Variants in RTF2 observed in about 807,000 individuals in gnomAD.
RTF2 encodes the protein replication termination factor 2.
In RTF2, 18 loss-of-function variants were observed where a neutral mutation model predicts 38.0. The observed-to-expected ratio is 0.47, with a 90% CI of 0.33 to 0.70. RTF2 has a LOEUF of 0.70. Among genes scored for constraint, RTF2 ranks in the 30% least tolerant of loss-of-function variants. The pLI, the probability that RTF2 is intolerant of heterozygous loss-of-function variation, is 0.02. For missense variants in RTF2, 311 were observed against 379.6 expected (o/e 0.82, Z 1.50); for synonymous variants, 126 against 137.1 (o/e 0.92, Z 0.57).
At chr20:56,471,230 G>A (rs1019434963) in intron 1 of RTF2, among the ~76,000 whole-genome samples, 10 of 152,178 alleles carry the variant, frequency 6.6e-5, no homozygotes, top group African/African-American at 2.2e-4. Context: ...CATTTTGTCC[G>A]AAGTGTTCTG....
intron 1 of RTF2, among the ~76,000 whole-genome samples, chr20:56,472,627 A>T (rs114765647): frequency 0.013 from 1,984 of 152,218 alleles, 42 homozygotes; most frequent in African/African-American, 0.044. Context: ...ATTCTGCCGC[A>T]ACTTAGCAGG....
chr20:56,488,697 A>G (rs1568697646), intron 5 of RTF2, among the ~76,000 whole-genome samples: 1 of 152,240 alleles, frequency 6.6e-6, no homozygotes, highest in African/African-American at 2.4e-5. Flanking sequence ...AAGGAATCAG[A>G]TAAGACACAG....
intron 5 of RTF2, among the ~76,000 whole-genome samples, chr20:56,506,705 A>AT (rs543477984): frequency 4.3e-4 from 64 of 148,812 alleles, no homozygotes; most frequent in East Asian, 1.8e-3. Flanking sequence ...ATGTATTATA[A>AT]TTTTTTTTTT....
intron 4 of RTF2, 60 bp from the exon 5 acceptor site, chr20:56,484,051 A>G (rs1982656089): frequency 5.6e-6 from 8 of 1,431,902 alleles, no homozygotes; most frequent in African/African-American, 1.4e-5. Context: ...TATCAACCGA[A>G]TAAATGTGAA....
At chr20:56,496,755 G>A (rs1157288661) in intron 5 of RTF2, 1 of 1,551,974 alleles carries the variant, frequency 6.4e-7, no homozygotes, top group Admixed American at 2.0e-5. Context: ...AAACTTCCTT[G>A]TAAGTACATA....
At chr20:56,510,627 CA>C (rs1420615864) in intron 5 of RTF2, among the ~76,000 whole-genome samples, 105 of 152,164 alleles carry the variant, frequency 6.9e-4, no homozygotes, top group Non-Finnish European at 1.3e-3. Flanking sequence ...CTACCAGCTT[CA>C]GGGTAAAATC....
intron 5 of RTF2, chr20:56,491,598 A>G: frequency 6.4e-7 from 1 of 1,551,814 alleles, no homozygotes. Flanking sequence ...TGCTGTTGAA[A>G]ATGCCAGTGT....
chr20:56,490,384 C>T (rs899216021), intron 5 of RTF2, among the ~76,000 whole-genome samples: 6 of 152,216 alleles, frequency 3.9e-5, no homozygotes, highest in African/African-American at 1.4e-4. Flanking sequence ...AAGTTCTCCA[C>T]AACAGCAGCG....
chr20:56,485,569 G>A (rs374366079), intron 5 of RTF2, among the ~76,000 whole-genome samples: 1 of 152,212 alleles, frequency 6.6e-6, no homozygotes, highest in South Asian at 2.1e-4. Context: ...AGGCCCGGAG[G>A]CAGGCAGAGG....
intron 3 of RTF2, among the ~76,000 whole-genome samples, chr20:56,475,158 CT>C (rs1201388750): frequency 2.0e-5 from 3 of 152,120 alleles, no homozygotes; most frequent in Non-Finnish European, 4.4e-5. Context: ...ATTAGAGGTT[CT>C]GATTGGCAGT....
At chr20:56,516,677 G>T in intron 6 of RTF2, 1 of 522,012 alleles carries the variant, frequency 1.9e-6, no homozygotes, top group Non-Finnish European at 3.4e-6. Flanking sequence ...ATGTGATTTG[G>T]GAGATGTAAA....
At chr20:56,511,100 A>G (rs1209776968) in intron 5 of RTF2, among the ~76,000 whole-genome samples, 3 of 152,196 alleles carry the variant, frequency 2.0e-5, no homozygotes, top group Non-Finnish European at 4.4e-5. Flanking sequence ...TAATTTTTAC[A>G]TGGTAAAACT....
chr20:56,516,254 T>A (rs1225242868), intron 6 of RTF2: 1 of 152,238 alleles, frequency 6.6e-6, no homozygotes, highest in Non-Finnish European at 1.5e-5. Flanking sequence ...TAAAGTAAAT[T>A]AAATGAACAT....
chr20:56,488,417 G>T (rs1191507099), intron 5 of RTF2, among the ~76,000 whole-genome samples: 1 of 151,272 alleles, frequency 6.6e-6, no homozygotes, highest in South Asian at 2.1e-4. Context: ...CATTGGACTT[G>T]CTACCTCTGT....
chr20:56,498,202 T>C (rs1983685101), intron 5 of RTF2, among the ~76,000 whole-genome samples: 1 of 152,240 alleles, frequency 6.6e-6, no homozygotes, highest in African/African-American at 2.4e-5. Flanking sequence ...TTATTCTGCA[T>C]ATAAGACTAA....
intron 3 of RTF2, among the ~76,000 whole-genome samples, chr20:56,475,709 A>G (rs1217271330): frequency 6.6e-6 from 1 of 152,184 alleles, no homozygotes; most frequent in Non-Finnish European, 1.5e-5. Context: ...GCCTCTCTCA[A>G]GCCTTGTTGT....
At chr20:56,475,684 G>A (rs1982202938) in intron 3 of RTF2, among the ~76,000 whole-genome samples, 1 of 152,074 alleles carries the variant, frequency 6.6e-6, no homozygotes, top group Admixed American at 6.6e-5. Flanking sequence ...GTTTCCATGT[G>A]CACATGTAAG....
At chr20:56,470,569 G>A (rs979271455) in intron 1 of RTF2, 3 of 455,758 alleles carry the variant, frequency 6.6e-6, no homozygotes, top group African/African-American at 6.0e-5. Context: ...GTAATTTCCT[G>A]GGTGACGGGA....
intron 5 of RTF2, chr20:56,491,783 C>A (rs1282782923): frequency 6.5e-7 from 1 of 1,548,838 alleles, no homozygotes; most frequent in Admixed American, 2.0e-5. Flanking sequence ...GACGTAGCGG[C>A]CTGCAGAAAG....
Sources: allele counts gnomAD v4.1 joint callset (sites outside exome capture counted in the v4.1 genomes callset), GRCh38; gene constraint gnomAD v4.1.1; transcripts MANE v1.5; gene names NCBI Gene and HGNC (gene_info 2026-07-23, HGNC 2026-07-21).